The following EBF1 variants were observed in gnomAD, a reference collection of about 807,000 sequenced individuals.
EBF1 encodes EBF transcription factor 1, also known as transcription factor COE1.
A neutral mutation model predicts 68.4 loss-of-function variants in EBF1; 10 were observed. The observed-to-expected ratio is 0.15, with a 90% CI of 0.09 to 0.25. EBF1 has a LOEUF of 0.25. EBF1 is among the 10% of genes least tolerant of loss of function. The probability of loss-of-function intolerance (pLI) is 1.00; values close to 1 mark genes in which losing one functional copy is unlikely to be tolerated. For synonymous variants in EBF1, 298 were observed against 299.8 expected (o/e 0.99, Z 0.06); for missense variants, 509 against 794.4 (o/e 0.64, Z 4.32).
intron 6 of EBF1, among the ~76,000 whole-genome samples, chr5:158,896,511 A>C (rs1421273657): frequency 6.6e-6 from 1 of 152,178 alleles, no homozygotes; most frequent in African/African-American, 2.4e-5. Flanking sequence ...TTTTAGGGGA[A>C]TATTATTACC....
intron 10 of EBF1, among the ~76,000 whole-genome samples, chr5:158,758,311 A>T (rs930772391): frequency 6.6e-6 from 1 of 152,212 alleles, no homozygotes; most frequent in Non-Finnish European, 1.5e-5. Context: ...TGACAGTCAC[A>T]AGTTTGTATT....
intron 4 of EBF1, among the ~76,000 whole-genome samples, chr5:159,085,566 A>G (rs1780472681): frequency 6.6e-6 from 1 of 152,214 alleles, no homozygotes. Context: ...CCTGGACCAA[A>G]GCAATGCACA....
At chr5:158,984,361 A>C (rs1758535355) in intron 6 of EBF1, among the ~76,000 whole-genome samples, 1 of 152,110 alleles carries the variant, frequency 6.6e-6, no homozygotes, top group Non-Finnish European at 1.5e-5. Flanking sequence ...TCATTTTTCC[A>C]TTTTGTAGAT....
At chr5:158,993,978 C>T (rs765688962) in intron 6 of EBF1, among the ~76,000 whole-genome samples, 1 of 152,224 alleles carries the variant, frequency 6.6e-6, no homozygotes, top group Non-Finnish European at 1.5e-5. Context: ...GTCTCCGTCA[C>T]TTTAAGCATT....
At chr5:158,923,792 T>C (rs922411009) in intron 6 of EBF1, among the ~76,000 whole-genome samples, 2 of 152,178 alleles carry the variant, frequency 1.3e-5, no homozygotes, top group Admixed American at 1.3e-4. Flanking sequence ...GTCTCAATGA[T>C]TCTGAATCAA....
chr5:159,034,951 C>G (rs1237145463), intron 6 of EBF1, among the ~76,000 whole-genome samples: 1 of 152,186 alleles, frequency 6.6e-6, no homozygotes, highest in African/African-American at 2.4e-5. Flanking sequence ...CAATAAAAAT[C>G]TGGCTTCACA....
At chr5:158,872,475 C>T (rs1434651132) in intron 6 of EBF1, among the ~76,000 whole-genome samples, 3 of 152,200 alleles carry the variant, frequency 2.0e-5, no homozygotes, top group African/African-American at 7.2e-5. Context: ...GCTGGGATTA[C>T]AGGCGTGAGC....
chr5:158,848,276 T>C (rs1791931004), intron 6 of EBF1, among the ~76,000 whole-genome samples: 1 of 151,068 alleles, frequency 6.6e-6, no homozygotes, highest in African/African-American at 2.4e-5. Context: ...CTATATTCTT[T>C]ACATGTTATA....
At chr5:159,015,442 C>A (rs1765450923) in intron 6 of EBF1, among the ~76,000 whole-genome samples, 1 of 152,212 alleles carries the variant, frequency 6.6e-6, no homozygotes, top group Non-Finnish European at 1.5e-5. Flanking sequence ...CAGCTTGGAG[C>A]TGATCTTGAA....
At position 158,696,803 on chromosome 5, in the gene EBF1, T is replaced by G. The variant is rs1207786767; in HGVS notation, c.*2308A>C. The G allele has an allele frequency of 5.2e-6, 1 of 190,662 alleles. No homozygotes were observed. Among genetic ancestry groups the G allele is most frequent in the Non-Finnish European group, 1.1e-5 (1 of 91,922 alleles). 11.8% of individuals were successfully genotyped at this position (190,662 alleles called of 1,614,324 possible). ...AAATCCATATGGGGGCATGCACAGT[T>G]GCAGCATTGTTGTAAATGATTTCTT... is the stretch of plus-strand genomic sequence containing the variant. On this transcript the variant is annotated 3_prime_UTR_variant, in exon 16 of 16. Coordinates refer to ENST00000313708, the MANE Select transcript of EBF1 (RefSeq NM_024007.5).
At chr5:158,958,416 C>G (rs112413891) in intron 6 of EBF1, among the ~76,000 whole-genome samples, 1 of 152,052 alleles carries the variant, frequency 6.6e-6, no homozygotes, top group African/African-American at 2.4e-5. Context: ...ATTCAGGAAG[C>G]GGCCTTAGAG....
rs1420616913 is a variant in EBF1, at chr5:158,714,187, C to T, written c.1126-5G>A. ...AGCCCTTTTGAGTATTACTTCCTGT[C>T]AAGAGAAAAGCAGATACAATCCTTT... On this transcript the variant is annotated splice_region_variant and splice_polypyrimidine_tract_variant and intron_variant, in intron 11 of 15. Coordinates refer to ENST00000313708, the MANE Select transcript of EBF1 (RefSeq NM_024007.5). The T allele has an allele frequency of 1.2e-6, 2 of 1,614,064 alleles. No homozygotes were observed. The highest frequency in any genetic ancestry group is 2.2e-5 in the East Asian group (1 of 44,894).
chr5:158,928,337 C>T (rs981054791), intron 6 of EBF1, among the ~76,000 whole-genome samples: 5 of 152,174 alleles, frequency 3.3e-5, no homozygotes, highest in African/African-American at 9.7e-5. Context: ...TTGTTCTCCC[C>T]TTTTTCAGAA....
intron 15 of EBF1, among the ~76,000 whole-genome samples, chr5:158,705,389 C>T (rs1581166602): frequency 6.6e-6 from 1 of 152,234 alleles, no homozygotes; most frequent in Non-Finnish European, 1.5e-5. Context: ...AGGGCAGTGT[C>T]ATCCACAACA....
intron 10 of EBF1, among the ~76,000 whole-genome samples, chr5:158,769,298 T>A (rs977803270): frequency 6.6e-6 from 1 of 152,138 alleles, no homozygotes; most frequent in African/African-American, 2.4e-5. Context: ...GTGATTTATC[T>A]CTCTCCCGGC....
chr5:159,097,985 C>T (rs923809471), intron 1 of EBF1, among the ~76,000 whole-genome samples: 1 of 152,232 alleles, frequency 6.6e-6, no homozygotes, highest in Admixed American at 6.5e-5. Flanking sequence ...CACACTTTCA[C>T]TTCCAGCCCA....
intron 9 of EBF1, among the ~76,000 whole-genome samples, chr5:158,794,070 T>G (rs1216360581): frequency 6.6e-6 from 1 of 152,112 alleles, no homozygotes; most frequent in African/African-American, 2.4e-5. Context: ...CACAAATATT[T>G]TGGGAAACAG....
At chr5:158,840,640 C>T in intron 6 of EBF1, among the ~76,000 whole-genome samples, 1 of 135,778 alleles carries the variant, frequency 7.4e-6, no homozygotes, top group African/African-American at 2.7e-5. Flanking sequence ...TCTCAAATAC[C>T]TCCTGTTTTT....
chr5:158,969,410 T>A (rs1458560226), intron 6 of EBF1, among the ~76,000 whole-genome samples: 2 of 151,954 alleles, frequency 1.3e-5, no homozygotes, highest in African/African-American at 4.8e-5. Context: ...GGTCACAGCA[T>A]CCTCAAGGGT....
Sources: gnomAD v4.1 joint callset for allele counts (sites outside exome capture counted in the v4.1 genomes callset) on GRCh38, gnomAD v4.1.1 for gene constraint, MANE v1.5 for transcripts, NCBI Gene and HGNC (gene_info 2026-07-23, HGNC 2026-07-21) for gene names.